Variants in NCAM2 observed in about 807,000 individuals in gnomAD.
The protein encoded by NCAM2 is neural cell adhesion molecule 2.
In NCAM2, 30 loss-of-function variants were observed where a neutral mutation model predicts 98.1. The observed-to-expected ratio is 0.31, with a 90% CI of 0.23 to 0.41. The LOEUF (loss-of-function observed/expected upper bound fraction) is 0.41. Ranked by LOEUF, NCAM2 falls within the 10% of genes least tolerant of loss-of-function variation. The probability of loss-of-function intolerance (pLI) is 1.00; values close to 1 mark genes in which losing one functional copy is unlikely to be tolerated. For synonymous variants in NCAM2, 368 were observed against 342.4 expected, an observed-to-expected ratio of 1.07 and a Z score of -0.83; for missense variants, 867 against 1,005.8, an observed-to-expected ratio of 0.86 and a Z score of 1.87.
chr21:21,068,135 CTTTTTTTTTTTT>C (rs68078560), intron 1 of NCAM2, among the ~76,000 whole-genome samples: 1 of 88,558 alleles, frequency 1.1e-5, no homozygotes, highest in Non-Finnish European at 2.3e-5. Context: ...ACTTTTTTTT[CTTTTTTTTTTTT>C]TTTTTTTGAG....
intron 1 of NCAM2, among the ~76,000 whole-genome samples, chr21:21,180,171 G>A (rs1011418050): frequency 1.3e-5 from 2 of 152,104 alleles, no homozygotes; most frequent in Non-Finnish European, 1.5e-5. Flanking sequence ...GTGCTGAAAA[G>A]CTGTGTAACT....
At chr21:21,057,168 C>A (rs1036468426) in intron 1 of NCAM2, among the ~76,000 whole-genome samples, 2 of 151,950 alleles carry the variant, frequency 1.3e-5, no homozygotes, top group Admixed American at 1.3e-4. Context: ...TAAAATGCTT[C>A]CTTTGTAAGC....
At chr21:21,098,692 G>C (rs185580834) in intron 1 of NCAM2, among the ~76,000 whole-genome samples, 14 of 151,824 alleles carry the variant, frequency 9.2e-5, no homozygotes, top group African/African-American at 3.4e-4. Context: ...TAAGATGTGC[G>C]TGGCAATGTG....
chr21:21,104,802 A>C (rs898415859), intron 1 of NCAM2, among the ~76,000 whole-genome samples: 1 of 152,144 alleles, frequency 6.6e-6, no homozygotes, highest in Non-Finnish European at 1.5e-5. Flanking sequence ...ATATGGCAGA[A>C]TTGATGGTCT....
In NCAM2 at chr21:21,537,873, G is replaced by T; in HGVS notation, c.2430G>T (p.Gly810=). 1 of 1,569,614 alleles carries T rather than the reference G, an allele frequency of 6.4e-7. No homozygotes were observed. Among genetic ancestry groups the T allele is most frequent in the Non-Finnish European group, 8.6e-7 (1 of 1,156,506 alleles). Residue 810 remains glycine, a synonymous_variant, in exon 18 of 18, where the codon GGG becomes GGT. Transcript: ENST00000400546. ...AATTGCCTTTAAAGGAAGAAGATGG[G>T]AAAGAAGCTCTAAATCCAGAAACTA... The part of the protein sequence containing the change: ...PEKLPLKEED[G]KEALNPETIE...
At chr21:21,398,174 A>G (rs2076554606) in intron 9 of NCAM2, among the ~76,000 whole-genome samples, 1 of 152,336 alleles carries the variant, frequency 6.6e-6, no homozygotes, top group Middle Eastern at 3.4e-3. Flanking sequence ...GGAATGCCAA[A>G]CATCAAATGT....
At chr21:21,371,213 A>G (rs898301802) in intron 8 of NCAM2, among the ~76,000 whole-genome samples, 3 of 151,862 alleles carry the variant, frequency 2.0e-5, no homozygotes, top group African/African-American at 4.8e-5. Flanking sequence ...GTATGACTGT[A>G]GAAACTGGTG....
At chr21:21,490,282 T>G (rs1466450254) in intron 15 of NCAM2, among the ~76,000 whole-genome samples, 2 of 152,050 alleles carry the variant, frequency 1.3e-5, no homozygotes, top group Non-Finnish European at 2.9e-5. Flanking sequence ...CTATTAGTGT[T>G]TCTGAGATGG....
intron 16 of NCAM2, among the ~76,000 whole-genome samples, chr21:21,515,920 A>G (rs1180029169): frequency 1.3e-5 from 2 of 152,198 alleles, no homozygotes; most frequent in African/African-American, 2.4e-5. Flanking sequence ...AAAATAGACC[A>G]TGGGCCATGT....
At chr21:21,009,919 T>G (rs866269647) in intron 1 of NCAM2, among the ~76,000 whole-genome samples, 5 of 46,778 alleles carry the variant, frequency 1.1e-4, no homozygotes, top group Non-Finnish European at 1.7e-4. Flanking sequence ...GTGTGTGTGT[T>G]TTAATGATTT....
chr21:21,388,347 A>G (rs1291193731), intron 9 of NCAM2, among the ~76,000 whole-genome samples: 1 of 152,172 alleles, frequency 6.6e-6, no homozygotes, highest in Non-Finnish European at 1.5e-5. Context: ...AGGTAGATAA[A>G]GAAAATATGG....
In NCAM2 at chr21:21,191,728, A is replaced by T. The variant is rs2068830312; in HGVS notation, c.56-88850A>T. On this transcript the variant is annotated intron_variant, in intron 1 of 17. Coordinates refer to ENST00000400546, the MANE Select transcript of NCAM2 (RefSeq NM_004540.5). ...CATCATTAATTTATTCTACATCCTC[A>T]GTATTTATTGAGTTTCTTCTGTGCA... 2.6e-5 allele frequency among the ~76,000 whole-genome samples: 4 copies of T among 152,256 alleles called. No individual in the cohort carries two copies. The South Asian group carries it at 8.3e-4, about 32-fold the overall frequency.
chr21:21,381,559 T>A (rs2148092468), intron 9 of NCAM2, among the ~76,000 whole-genome samples: 1 of 152,320 alleles, frequency 6.6e-6, no homozygotes, highest in African/African-American at 2.4e-5. Flanking sequence ...AATACAAACC[T>A]ACATTTTCAA....
chr21:21,357,371 C>T (rs896167397), intron 8 of NCAM2, among the ~76,000 whole-genome samples: 1 of 151,934 alleles, frequency 6.6e-6, no homozygotes, highest in African/African-American at 2.4e-5. Flanking sequence ...AAATGTGTAA[C>T]GGTATACTTA....
At chr21:21,036,999 A>G (rs957735102) in intron 1 of NCAM2, among the ~76,000 whole-genome samples, 1 of 152,166 alleles carries the variant, frequency 6.6e-6, no homozygotes, top group Non-Finnish European at 1.5e-5. Context: ...TAGGCCCACT[A>G]AATAGCAATA....
intron 1 of NCAM2, among the ~76,000 whole-genome samples, chr21:21,170,165 A>G (rs1295531075): frequency 6.6e-6 from 1 of 152,192 alleles, no homozygotes; most frequent in Non-Finnish European, 1.5e-5. Context: ...TGAATGGAAA[A>G]TAGTACAGCC....
intron 5 of NCAM2, among the ~76,000 whole-genome samples, chr21:21,316,772 G>T (rs868255025): frequency 7.2e-5 from 11 of 151,992 alleles, no homozygotes; most frequent in South Asian, 4.2e-4. Flanking sequence ...TCAAACTCCT[G>T]ACCTCAGGCG....
At chr21:21,381,623 A>T (rs1243635490) in intron 9 of NCAM2, among the ~76,000 whole-genome samples, 1 of 152,178 alleles carries the variant, frequency 6.6e-6, no homozygotes. Flanking sequence ...ATAAAATGTG[A>T]AACATTGCAA....
intron 9 of NCAM2, among the ~76,000 whole-genome samples, chr21:21,383,709 T>C (rs191269764): frequency 6.8e-4 from 103 of 152,270 alleles, no homozygotes; most frequent in Admixed American, 6.7e-3. Context: ...TATATTCTAC[T>C]TCTAGTACAA....
Sources: allele counts gnomAD v4.1 joint callset (sites outside exome capture counted in the v4.1 genomes callset), GRCh38; gene constraint gnomAD v4.1.1; transcripts MANE v1.5; gene names NCBI Gene and HGNC (gene_info 2026-07-23, HGNC 2026-07-21).